LOC728743: variants seen among roughly 807,000 people sequenced by gnomAD.
the LOC728743 span, among the ~76,000 whole-genome samples, chr7:150,409,087 G>A: frequency 1.3e-5 from 2 of 151,532 alleles, no homozygotes; most frequent in African/African-American, 4.9e-5. Flanking sequence ...ACCAGGTCAT[G>A]GGGACAAATA....
the LOC728743 span, among the ~76,000 whole-genome samples, chr7:150,406,345 G>A: frequency 6.6e-6 from 1 of 152,174 alleles, no homozygotes; most frequent in Admixed American, 6.5e-5. Flanking sequence ...AAGTTTTGGT[G>A]GGGGTCGTGG....
At chr7:150,408,896 C>T in the LOC728743 span, among the ~76,000 whole-genome samples, 9 of 152,138 alleles carry the variant, frequency 5.9e-5, no homozygotes, top group Non-Finnish European at 1.2e-4. Flanking sequence ...TCTGCCACAC[C>T]ATGTGCCACT....
the LOC728743 span, among the ~76,000 whole-genome samples, chr7:150,408,719 G>C: frequency 6.6e-6 from 1 of 152,236 alleles, no homozygotes; most frequent in Non-Finnish European, 1.5e-5. Flanking sequence ...AGGCCTCCTG[G>C]CTCCTGTACA....
At chr7:150,408,013 C>G in the LOC728743 span, 1 of 397,644 alleles carries the variant, frequency 2.5e-6, no homozygotes, top group African/African-American at 2.1e-5. Context: ...GCTGCTTCCG[C>G]GAGCCGCGCT....
chr7:150,407,510 G>T, the LOC728743 span: 1 of 397,902 alleles, frequency 2.5e-6, no homozygotes, highest in Non-Finnish European at 4.4e-6. Context: ...CCAGGCTGGG[G>T]GTTGGCTAAC....
At chr7:150,401,798 T>C in the LOC728743 span, among the ~76,000 whole-genome samples, 1 of 152,232 alleles carries the variant, frequency 6.6e-6, no homozygotes, top group Non-Finnish European at 1.5e-5. Context: ...AAATGTGGCT[T>C]GTACGGCTGA....
the LOC728743 span, chr7:150,407,789 G>T: frequency 9.9e-6 from 4 of 402,696 alleles, no homozygotes; most frequent in Non-Finnish European, 1.8e-5. Context: ...GAAGGCGCAC[G>T]CCGGAGCGGG....
the LOC728743 span, among the ~76,000 whole-genome samples, chr7:150,404,323 C>A: frequency 4.6e-5 from 7 of 152,188 alleles, no homozygotes. Context: ...TGTCGTCACA[C>A]ACTATTTATG....
chr7:150,401,220 T>C, the LOC728743 span, among the ~76,000 whole-genome samples: 267 of 151,304 alleles, frequency 1.8e-3, 2 homozygotes, highest in African/African-American at 6.1e-3. Flanking sequence ...ATGGTGTAGG[T>C]TCTCGGAAAA....
the LOC728743 span, among the ~76,000 whole-genome samples, chr7:150,402,785 C>T: frequency 6.6e-6 from 1 of 152,096 alleles, no homozygotes; most frequent in Non-Finnish European, 1.5e-5. Context: ...CTGGAGGATG[C>T]GGGGAGCAGG....
At chr7:150,403,491 C>A in the LOC728743 span, among the ~76,000 whole-genome samples, 1 of 152,194 alleles carries the variant, frequency 6.6e-6, no homozygotes, top group Non-Finnish European at 1.5e-5. The surrounding 1 kb of genome is among the most constrained non-coding windows in gnomAD (Gnocchi z 5.1). Flanking sequence ...CGAGTGTCCC[C>A]ATTTCTCTTA....
chr7:150,411,394 C>T, the LOC728743 span: 1 of 152,584 alleles, frequency 6.6e-6, no homozygotes, highest in Non-Finnish European at 1.5e-5. Flanking sequence ...TGTGTGTTCT[C>T]TGAGTATGCA....
the LOC728743 span, chr7:150,408,052 G>A: frequency 1.8e-5 from 7 of 388,950 alleles, no homozygotes; most frequent in Middle Eastern, 6.1e-4. Flanking sequence ...GCACCCACGC[G>A]CGCATGCCCG....
the LOC728743 span, chr7:150,411,695 G>C: frequency 2.0e-5 from 3 of 152,298 alleles, no homozygotes; most frequent in Admixed American, 6.5e-5. Context: ...CTCAGGGGGA[G>C]ATCCGAGAAC....
the LOC728743 span, among the ~76,000 whole-genome samples, chr7:150,402,453 T>C: frequency 6.6e-6 from 1 of 152,220 alleles, no homozygotes; most frequent in African/African-American, 2.4e-5. Flanking sequence ...CCATCTTTTC[T>C]CTCTGCGCCG....
chr7:150,405,850 C>G, the LOC728743 span: 1 of 152,200 alleles, frequency 6.6e-6, no homozygotes, highest in African/African-American at 2.4e-5. Flanking sequence ...GCAGCGCAGA[C>G]TGTAGAGCAA....
the LOC728743 span, among the ~76,000 whole-genome samples, chr7:150,403,147 T>C: frequency 6.6e-6 from 1 of 152,056 alleles, no homozygotes; most frequent in Admixed American, 6.5e-5. This position sits in a 1 kb window ranked among gnomAD's most constrained non-coding sequence, Gnocchi z 5.1. Flanking sequence ...TCTATCGTGC[T>C]TGCCGCAGCA....
At chr7:150,406,420 C>T in the LOC728743 span, among the ~76,000 whole-genome samples, 31 of 152,094 alleles carry the variant, frequency 2.0e-4, no homozygotes, top group Admixed American at 5.2e-4. Context: ...GGCTCTGTGA[C>T]GGCTGGGATG....
chr7:150,409,777 G>A, the LOC728743 span, among the ~76,000 whole-genome samples: 1 of 152,090 alleles, frequency 6.6e-6, no homozygotes, highest in Non-Finnish European at 1.5e-5. Flanking sequence ...ATTCAGTCCT[G>A]TGCTGGGTGC....
Sources: gnomAD v4.1 joint callset for allele counts (sites outside exome capture counted in the v4.1 genomes callset) on GRCh38, gnomAD v4.1.1 for gene constraint, Gnocchi (gnomAD v3.1) non-coding constraint, MANE v1.5 for transcripts.